The following KIZ variants were observed in gnomAD, a reference collection of about 807,000 sequenced individuals.
KIZ encodes the protein kizuna centrosomal protein, also known as centrosomal protein kizuna.
A neutral mutation model predicts 79.6 loss-of-function variants in KIZ; 68 were observed. The observed-to-expected ratio is 0.85, with a 90% confidence interval of 0.70 to 1.05. The LOEUF is 1.05. Among genes scored for constraint, KIZ ranks in the 50% least tolerant of loss-of-function variants. KIZ has a pLI of 0.00. For synonymous variants in KIZ, 280 were observed against 281.8 expected (o/e 0.99, Z 0.06); for missense variants, 797 against 800.4 (o/e 1.00, Z 0.05).
intron 6 of KIZ, chr20:21,197,798 G>A (rs982604557): frequency 1.9e-4 from 29 of 152,194 alleles, no homozygotes; most frequent in African/African-American, 7.0e-4. Flanking sequence ...CTGGTGATCT[G>A]TGCTTAAATA....
intron 6 of KIZ, among the ~76,000 whole-genome samples, chr20:21,188,899 G>A (rs1001359755): frequency 9.2e-5 from 14 of 151,880 alleles, no homozygotes; most frequent in South Asian, 8.3e-4. Context: ...TGGTAGAGAC[G>A]GGGTTTCACC....
At chr20:21,224,080 G>A (rs1490255453) in intron 9 of KIZ, among the ~76,000 whole-genome samples, 4 of 151,804 alleles carry the variant, frequency 2.6e-5, no homozygotes, top group African/African-American at 4.8e-5. Flanking sequence ...CGCAACCTCC[G>A]CCTCCCAGGT....
At chr20:21,173,632 G>C (rs6035804) in intron 6 of KIZ, among the ~76,000 whole-genome samples, 83,953 of 148,848 alleles carry the variant, frequency 0.56, 25,775 homozygotes, top group South Asian at 0.77. Context: ...GATTGGGTGT[G>C]GGTTATAAGA....
rs766038288 is a variant in KIZ at position 21,163,145 on chromosome 20, C to T, written c.1338C>T (p.Asn446=). 1.1e-5 allele frequency: 18 copies of T among 1,609,212 alleles called. No individual in the cohort carries two copies. The highest frequency in any genetic ancestry group is 2.7e-5 in the African/African-American group (2 of 74,534). ...ATTCAGAAAAGGAATCCTCCACTAACGCACCAACAAGAGAGTAAGCCATTC... is the reference window on the plus strand; with the variant it reads ...ATTCAGAAAAGGAATCCTCCACTAATGCACCAACAAGAGAGTAAGCCATTC... The part of the protein sequence containing the change: ...SPDSEKESST[N]APTREPGQTP... The change falls in exon 6 of 13, where the codon AAC becomes AAT. Residue 446 remains asparagine, a synonymous_variant. Coordinates refer to ENST00000619189, the MANE Select transcript of KIZ (RefSeq NM_018474.6).
chr20:21,244,176 T>G, intron 11 of KIZ, 69 bp from the exon 12 acceptor site: 1 of 1,102,156 alleles, frequency 9.1e-7, no homozygotes. Flanking sequence ...CTCTAATGCG[T>G]TCATTATGAA....
intron 4 of KIZ, chr20:21,158,802 AT>A (rs1445355155): frequency 6.0e-5 from 9 of 149,932 alleles, no homozygotes; most frequent in Non-Finnish European, 7.4e-5. Context: ...ACTTTTCCTA[AT>A]TTTTTTTTGA....
intron 6 of KIZ, among the ~76,000 whole-genome samples, chr20:21,182,350 T>C (rs532669644): frequency 2.0e-5 from 3 of 152,212 alleles, no homozygotes; most frequent in Non-Finnish European, 4.4e-5. Flanking sequence ...AGAGACTCTC[T>C]TCTTGAGTCT....
chr20:21,160,616 C>A (rs1008517926), intron 4 of KIZ, among the ~76,000 whole-genome samples: 6 of 152,128 alleles, frequency 3.9e-5, no homozygotes, highest in African/African-American at 1.4e-4. Flanking sequence ...TACTCTCCAT[C>A]TTAAAAATCC....
chr20:21,205,545 T>C lies in KIZ; in HGVS notation c.1407T>C (p.Val469=). 1 of 1,569,076 alleles carries C rather than the reference T, an allele frequency of 6.4e-7. No individual in the cohort carries two copies. The highest frequency in any genetic ancestry group is 8.7e-7 in the Non-Finnish European group (1 of 1,150,198). The change falls in exon 7 of 13, where the codon GTT becomes GTC. Residue 469 remains valine (V), a synonymous_variant. Coordinates refer to ENST00000619189, the MANE Select transcript of KIZ (RefSeq NM_018474.6). Reference sequence around the variant, plus strand: ...CGAGGGCACAGGTGGGTCAGCATGTTGCCACCTTGAAAGAACATGATAATT... The same window carrying C: ...CGAGGGCACAGGTGGGTCAGCATGTCGCCACCTTGAAAGAACATGATAATT... ...DVPRAQVGQH[V]ATLKEHDNSV... is the part of the protein sequence containing the mutation.
intron 9 of KIZ, among the ~76,000 whole-genome samples, chr20:21,220,128 GTTATATA>G (rs1226900336): frequency 2.0e-5 from 3 of 149,122 alleles, no homozygotes; most frequent in South Asian, 2.1e-4. Flanking sequence ...ATATATATTA[GTTATATA>G]TTATATATCA....
At chr20:21,179,982 A>G (rs148234419) in intron 6 of KIZ, among the ~76,000 whole-genome samples, 1 of 152,270 alleles carries the variant, frequency 6.6e-6, no homozygotes, top group East Asian at 1.9e-4. Context: ...CTAACACGTG[A>G]TCTGTTCTAG....
chr20:21,160,684 T>TC (rs760107161), intron 4 of KIZ, among the ~76,000 whole-genome samples: 4 of 151,960 alleles, frequency 2.6e-5, no homozygotes, highest in Non-Finnish European at 4.4e-5. Context: ...AATATTTGTG[T>TC]CCCCCCCAAA....
chr20:21,170,521 T>A (rs918286132), intron 6 of KIZ, among the ~76,000 whole-genome samples: 1 of 151,992 alleles, frequency 6.6e-6, no homozygotes, highest in African/African-American at 2.4e-5. Flanking sequence ...CCCGAGTAGC[T>A]GGGACTACAG....
intron 6 of KIZ, among the ~76,000 whole-genome samples, chr20:21,186,509 C>T (rs1397052732): frequency 6.6e-6 from 1 of 150,920 alleles, no homozygotes; most frequent in East Asian, 1.9e-4. Context: ...CATCTGGTTC[C>T]CAGCTACTTC....
At chr20:21,134,075 C>T (rs2032018402) in intron 2 of KIZ, among the ~76,000 whole-genome samples, 1 of 152,228 alleles carries the variant, frequency 6.6e-6, no homozygotes, top group South Asian at 2.1e-4. Context: ...TCAGGTTATA[C>T]CACATGCAGC....
At chr20:21,187,860 CTT>C (rs1205712378) in intron 6 of KIZ, among the ~76,000 whole-genome samples, 4 of 152,064 alleles carry the variant, frequency 2.6e-5, no homozygotes, top group African/African-American at 9.7e-5. Flanking sequence ...TATTTTAAAA[CTT>C]TTTGAAAATA....
intron 6 of KIZ, among the ~76,000 whole-genome samples, chr20:21,180,651 G>A (rs2034620313): frequency 6.6e-6 from 1 of 152,194 alleles, no homozygotes; most frequent in African/African-American, 2.4e-5. Flanking sequence ...GACTCTGAGA[G>A]TCAAGCCCTG....
At chr20:21,131,358 A>G (rs938547150) in intron 1 of KIZ, among the ~76,000 whole-genome samples, 1 of 152,186 alleles carries the variant, frequency 6.6e-6, no homozygotes, top group African/African-American at 2.4e-5. Flanking sequence ...ACAAATAATG[A>G]CACCATTACA....
intron 6 of KIZ, among the ~76,000 whole-genome samples, chr20:21,178,632 G>A (rs2034529382): frequency 6.6e-6 from 1 of 152,132 alleles, no homozygotes; most frequent in African/African-American, 2.4e-5. Context: ...GCAAGAGTGG[G>A]CATCCTTGTC....
Sources: allele counts gnomAD v4.1 joint callset (sites outside exome capture counted in the v4.1 genomes callset), GRCh38; gene constraint gnomAD v4.1.1; transcripts MANE v1.5; gene names NCBI Gene and HGNC (gene_info 2026-07-23, HGNC 2026-07-21).